The following FRMD4B variants were observed in gnomAD, a reference collection of about 807,000 sequenced individuals.
FRMD4B encodes the protein FERM domain-containing protein 4B.
Under a neutral mutation model 141.5 loss-of-function variants are expected in FRMD4B, and 74 were observed. That is an observed-to-expected ratio of 0.52 (90% CI 0.43 to 0.63). FRMD4B has a LOEUF of 0.63. Ranked by LOEUF, FRMD4B falls within the 30% of genes least tolerant of loss-of-function variation. FRMD4B has a pLI of 0.00. For missense variants in FRMD4B, 1,366 were observed against 1,253.4 expected (o/e 1.09, Z -1.36); for synonymous variants, 506 against 467.9 (o/e 1.08, Z -1.05).
chr3:69,490,174 C>A (rs1706279721), intron 1 of FRMD4B, among the ~76,000 whole-genome samples: 1 of 152,150 alleles, frequency 6.6e-6, no homozygotes, highest in South Asian at 2.1e-4. Flanking sequence ...TATGATTACA[C>A]TAAAAGCCAC....
intron 1 of FRMD4B, among the ~76,000 whole-genome samples, chr3:69,524,804 G>A (rs1490122803): frequency 6.6e-6 from 1 of 152,214 alleles, no homozygotes; most frequent in Non-Finnish European, 1.5e-5. Context: ...GGCCACACCA[G>A]TGATAAAGAA....
At chr3:69,478,493 G>C (rs1706044165) in intron 1 of FRMD4B, among the ~76,000 whole-genome samples, 2 of 152,192 alleles carry the variant, frequency 1.3e-5, no homozygotes, top group Non-Finnish European at 2.9e-5. Flanking sequence ...AGGTTGTTCA[G>C]TTTCCATGTA....
chr3:69,308,508 G>A (rs571082015), intron 3 of FRMD4B, among the ~76,000 whole-genome samples: 4 of 151,444 alleles, frequency 2.6e-5, no homozygotes, highest in African/African-American at 9.7e-5. Flanking sequence ...TGAGATCATG[G>A]CTCACTGCAA....
chr3:69,484,521 G>C (rs945813342), intron 1 of FRMD4B, among the ~76,000 whole-genome samples: 4 of 152,136 alleles, frequency 2.6e-5, no homozygotes, highest in Non-Finnish European at 5.9e-5. Context: ...TTAAGTGTTA[G>C]AATAGCTCAG....
At chr3:69,381,319 T>C (rs987902960) in intron 1 of FRMD4B, among the ~76,000 whole-genome samples, 7 of 152,328 alleles carry the variant, frequency 4.6e-5, no homozygotes, top group Admixed American at 4.6e-4. Context: ...GACAATAATG[T>C]TGTTGGCAAA....
At chr3:69,350,351 T>C (rs1243635555) in intron 1 of FRMD4B, among the ~76,000 whole-genome samples, 2 of 152,086 alleles carry the variant, frequency 1.3e-5, no homozygotes, top group Non-Finnish European at 2.9e-5. Context: ...TGTGGAGAAA[T>C]AGGAACACTT....
chr3:69,379,890 A>G (rs1704069840), intron 1 of FRMD4B, among the ~76,000 whole-genome samples: 2 of 152,236 alleles, frequency 1.3e-5, no homozygotes, highest in African/African-American at 4.8e-5. Context: ...ATTTACAAAA[A>G]CAAGAGGCAA....
At chr3:69,349,099 T>C (rs1290073954) in intron 1 of FRMD4B, among the ~76,000 whole-genome samples, 1 of 152,234 alleles carries the variant, frequency 6.6e-6, no homozygotes, top group African/African-American at 2.4e-5. Flanking sequence ...AAAATCTCCT[T>C]AAGCTGATAA....
intron 1 of FRMD4B, among the ~76,000 whole-genome samples, chr3:69,438,975 T>C (rs982673081): frequency 6.6e-6 from 1 of 152,226 alleles, no homozygotes; most frequent in East Asian, 1.9e-4. Flanking sequence ...TCTATGTTAA[T>C]TTCTCCAGTC....
intron 1 of FRMD4B, among the ~76,000 whole-genome samples, chr3:69,499,691 C>G (rs923161310): frequency 4.7e-5 from 7 of 149,566 alleles, no homozygotes; most frequent in Non-Finnish European, 1.0e-4. Flanking sequence ...AGCAGGAAGA[C>G]AGAGAGAGAG....
At position 69,181,077 on chromosome 3, in the gene FRMD4B, G is replaced by A. The variant is rs764522166; in HGVS notation, c.2673C>T (p.His891=). 1.2e-6 allele frequency: 2 copies of A among 1,614,006 alleles called. No homozygotes were observed. The highest frequency in any genetic ancestry group is 1.1e-5 in the South Asian group (1 of 91,080). ...AKSEHITKNI[H]KALVAEHLRG... is the part of the protein sequence containing the mutation. ...GCAAGTGCTCGGCAACTAAGGCCTT[G>A]TGGATGTTTTTGGTGATGTGCTCCG... Residue 891 remains histidine (H), a synonymous_variant, in exon 21 of 23, where the codon CAC becomes CAT. Transcript: ENST00000398540.
intron 1 of FRMD4B, among the ~76,000 whole-genome samples, chr3:69,496,028 T>C (rs1706379369): frequency 6.6e-6 from 1 of 152,232 alleles, no homozygotes; most frequent in Non-Finnish European, 1.5e-5. Flanking sequence ...GGTTAGTTTA[T>C]ATTTCAAATA....
At chr3:69,201,817 G>A (rs1276515779) in intron 11 of FRMD4B, among the ~76,000 whole-genome samples, 1 of 152,188 alleles carries the variant, frequency 6.6e-6, no homozygotes, top group Non-Finnish European at 1.5e-5. Context: ...AGGGCAGGCA[G>A]TTGAACGGTG....
At chr3:69,537,394 C>A (rs1369885352) in intron 1 of FRMD4B, among the ~76,000 whole-genome samples, 1 of 152,214 alleles carries the variant, frequency 6.6e-6, no homozygotes, top group Non-Finnish European at 1.5e-5. Flanking sequence ...ATAGAGCACT[C>A]ATTTGCCCTA....
At chr3:69,266,486 T>C (rs1416572800) in intron 5 of FRMD4B, among the ~76,000 whole-genome samples, 3 of 152,030 alleles carry the variant, frequency 2.0e-5, no homozygotes, top group Non-Finnish European at 4.4e-5. Flanking sequence ...CCACCACGCC[T>C]GGCTAATTTT....
At chr3:69,379,582 C>T (rs1489691209) in intron 1 of FRMD4B, among the ~76,000 whole-genome samples, 2 of 152,204 alleles carry the variant, frequency 1.3e-5, no homozygotes, top group East Asian at 3.8e-4. Context: ...CCAGCCACGC[C>T]TAGGTTTTTG....
At chr3:69,437,583 T>C (rs1705278403) in intron 1 of FRMD4B, among the ~76,000 whole-genome samples, 2 of 140,990 alleles carry the variant, frequency 1.4e-5, no homozygotes, top group Admixed American at 7.3e-5. Context: ...TATATCAGTA[T>C]ATTATTTACA....
At chr3:69,382,450 G>C (rs1199359504) in intron 1 of FRMD4B, among the ~76,000 whole-genome samples, 3 of 152,204 alleles carry the variant, frequency 2.0e-5, no homozygotes, top group Non-Finnish European at 4.4e-5. Context: ...GCTGGGATTA[G>C]AGGTGTGAGC....
chr3:69,303,023 G>A (rs975190816), intron 3 of FRMD4B, among the ~76,000 whole-genome samples: 4 of 152,252 alleles, frequency 2.6e-5, no homozygotes, highest in South Asian at 2.1e-4. Context: ...GCAGTGAGCC[G>A]AGATTGCACC....
Sources: gnomAD v4.1 joint callset for allele counts (sites outside exome capture counted in the v4.1 genomes callset) on GRCh38, gnomAD v4.1.1 for gene constraint, MANE v1.5 for transcripts, NCBI Gene and HGNC (gene_info 2026-07-23, HGNC 2026-07-21) for gene names.